DYNC1H1: variants seen among roughly 807,000 people sequenced by gnomAD.
DYNC1H1 encodes cytoplasmic dynein 1 heavy chain 1.
Under a neutral mutation model 527.1 loss-of-function variants are expected in DYNC1H1, and 51 were observed. The observed-to-expected ratio is 0.10, with a 90% CI of 0.08 to 0.12. DYNC1H1 has a LOEUF of 0.12. Ranked by LOEUF, DYNC1H1 falls within the 10% of genes least tolerant of loss-of-function variation. The pLI is 1.00. For synonymous variants in DYNC1H1, 2,189 were observed against 2,278.8 expected (o/e 0.96, Z 1.12); for missense variants, 2,771 against 5,971.8 (o/e 0.46, Z 17.66).
At chr14:102,046,504 G>T (rs945793606) in intron 72 of DYNC1H1, among the ~76,000 whole-genome samples, 1 of 134,688 alleles carries the variant, frequency 7.4e-6, no homozygotes, top group Non-Finnish European at 1.7e-5. Context: ...CGAGCTGGGC[G>T]GGTCTGGAGG....
In DYNC1H1 at chr14:102,044,835, GCT is replaced by G; in HGVS notation, c.13006+140_13006+141del. 1 of 1,024,356 alleles carries G rather than the reference GCT, an allele frequency of 9.8e-7. No individual in the cohort carries two copies. The highest frequency in any genetic ancestry group is 1.5e-6 in the Non-Finnish European group (1 of 687,544). The allele number at this position is 1,024,356 out of a possible 1,614,324, so 63.5% of individuals were successfully genotyped here. A position where few individuals can be genotyped will look rare whatever the true frequency, so the allele number is the denominator to read the frequency against. On this transcript the variant is annotated intron_variant, in intron 72 of 77. Transcript: ENST00000360184. The surrounding 1 kb of genome is among the most constrained non-coding windows in gnomAD (Gnocchi z 7.1). ...GCCCTCCCTGGTTATGCTGGGTGTG[GCT>G]CTGTCAGCCTCGGCCTTCCTGCCAG...
At chr14:102,008,110 CA>C (rs2048218065) in intron 28 of DYNC1H1, 67 bp from the exon 29 acceptor site, 1 of 1,604,440 alleles carries the variant, frequency 6.2e-7, no homozygotes, top group South Asian at 1.1e-5. Context: ...TGATTTGTGG[CA>C]AGGGAGAGGG....
In DYNC1H1 at chr14:102,041,398, G is replaced by A. The variant is rs763222949; in HGVS notation, c.11942-176G>A. ...CAGGTAGTAAGGTGTTCTCACAGGCGTGTCCAGAGGGCTCACGGAAGGCAC... is the reference window on the plus strand; with the variant it reads ...CAGGTAGTAAGGTGTTCTCACAGGCATGTCCAGAGGGCTCACGGAAGGCAC... On this transcript the variant is annotated intron_variant, in intron 64 of 77. Coordinates refer to ENST00000360184, the MANE Select transcript of DYNC1H1 (RefSeq NM_001376.5). The surrounding 1 kb of genome is among the most constrained non-coding windows in gnomAD (Gnocchi z 4.5). 36 of 948,262 alleles carry A rather than the reference G, an allele frequency of 3.8e-5. No individual in the cohort carries two copies. The highest frequency in any genetic ancestry group is 1.8e-4 in the African/African-American group (11 of 62,404). 58.7% of individuals were successfully genotyped at this position (948,262 alleles called of 1,614,324 possible). A position where few individuals can be genotyped will look rare whatever the true frequency, so the allele number is the denominator to read the frequency against.
At position 102,036,726 on chromosome 14, in the gene DYNC1H1, T is replaced by C. The variant is rs995968079; in HGVS notation, c.10908+84T>C. On this transcript the variant is annotated intron_variant, in intron 57 of 77. Coordinates refer to ENST00000360184, the MANE Select transcript of DYNC1H1 (RefSeq NM_001376.5). This position sits in a 1 kb window ranked among gnomAD's most constrained non-coding sequence, Gnocchi z 5.6. ...GGGCTGCCTTTAGTTTTCAACTTTGTAAGACTTCATTTTGTATCAGAAGGA... is the reference window on the plus strand; with the variant it reads ...GGGCTGCCTTTAGTTTTCAACTTTGCAAGACTTCATTTTGTATCAGAAGGA... 2.0e-5 allele frequency: 30 copies of C among 1,528,164 alleles called. No homozygotes were observed. In the East Asian group the frequency reaches 6.3e-4, roughly 32 times the overall value. The allele number at this position is 1,528,164 out of a possible 1,614,324, so 94.7% of individuals were successfully genotyped here.
chr14:102,024,779 C>T (rs1250459647), intron 43 of DYNC1H1, among the ~76,000 whole-genome samples: 3 of 149,318 alleles, frequency 2.0e-5, no homozygotes, highest in Admixed American at 6.8e-5. Context: ...ACTGCAAGCT[C>T]CGCCTCCTGG....
rs761599934 is a variant in DYNC1H1 at position 102,039,288 on chromosome 14, CCCGCACAGTAGCTCCTTGG to C, written c.11460+43_11460+61del. On this transcript the variant is annotated intron_variant, in intron 60 of 77. Transcript: ENST00000360184. The surrounding 1 kb of genome is among the most constrained non-coding windows in gnomAD (Gnocchi z 7.0). ...CTTGGCCATGCAGAGACTGGCGGGC[CCCGCACAGTAGCTCCTTGG>C]CCGCACAGAGGCTGGCGGGCCCTGC... 58 of 1,611,592 alleles carry C rather than the reference CCCGCACAGTAGCTCCTTGG, an allele frequency of 3.6e-5. No homozygotes were observed. The highest frequency in any genetic ancestry group is 4.7e-5 in the Non-Finnish European group (56 of 1,180,016).
In DYNC1H1 at chr14:102,051,123, G is replaced by A; in HGVS notation, c.*560G>A. ...TACAGGAAATTAAATCAGGTGTGGT[G>A]GTGCATGCCTGTAGTCCCAGCTACT... On this transcript the variant is annotated 3_prime_UTR_variant, in exon 78 of 78. Transcript: ENST00000360184. The A allele has an allele frequency of 5.0e-6, 1 of 199,570 alleles. No homozygotes were observed. The highest frequency in any genetic ancestry group is 1.0e-5 in the Non-Finnish European group (1 of 97,042). The allele number at this position is 199,570 out of a possible 1,614,324, so 12.4% of individuals were successfully genotyped here.
At position 102,003,423 on chromosome 14, in the gene DYNC1H1, G is replaced by A. The variant is rs188346774; in HGVS notation, c.4883+458G>A. 4.3e-3 allele frequency among the ~76,000 whole-genome samples: 647 copies of A among 151,912 alleles called. 11 individuals carry two copies. The highest frequency in any genetic ancestry group is 3.1e-3 in the Non-Finnish European group (208 of 67,950). ...ATTACAGGTGCCCACCACCACACCC[G>A]GCTAATTTTTATATTTTTAGTAGAG... On this transcript the variant is annotated intron_variant, in intron 23 of 77. Coordinates refer to ENST00000360184, the MANE Select transcript of DYNC1H1 (RefSeq NM_001376.5).
chr14:102,040,534 A>G, intron 63 of DYNC1H1, 64 bp from the exon 64 acceptor site: 1 of 1,612,410 alleles, frequency 6.2e-7, no homozygotes, highest in Non-Finnish European at 8.5e-7. Context: ...ACTCTCGCTC[A>G]GTCGTGGGTT....
Position 102,018,424 on chromosome 14 carries a change from G to C in DYNC1H1, c.8178-27G>C, listed in dbSNP as rs1249454054. The C allele has an allele frequency of 6.2e-7, 1 of 1,610,536 alleles. No individual in the cohort carries two copies. Among genetic ancestry groups the C allele is most frequent in the Admixed American group, 1.7e-5 (1 of 59,928 alleles). ...TCCTGGGAGGCGCTGTCAGGGAGGG[G>C]CGCTGAGCGGGGCTATCTGTGCACA... On this transcript the variant is annotated intron_variant, in intron 40 of 77. Coordinates refer to ENST00000360184, the MANE Select transcript of DYNC1H1 (RefSeq NM_001376.5). This position sits in a 1 kb window ranked among gnomAD's most constrained non-coding sequence, Gnocchi z 5.2.
rs1207406563 is a variant in DYNC1H1 at position 102,005,953 on chromosome 14, C to G, written c.5499C>G (p.Ala1833=). 1 of 1,614,084 alleles carries G rather than the reference C, an allele frequency of 6.2e-7. No homozygotes were observed. The highest frequency in any genetic ancestry group is 8.5e-7 in the Non-Finnish European group (1 of 1,180,048). Residue 1833 remains alanine (A), a synonymous_variant, in exon 27 of 78, where the codon GCC becomes GCG. Transcript: ENST00000360184. The surrounding 1 kb of genome is among the most constrained non-coding windows in gnomAD (Gnocchi z 4.0). ...TGATCAAAAGCAAGATTGACAACGC[C>G]AAATCTTTTGAATGGCTCAGCCAGA... ...RSLIKSKIDN[A]KSFEWLSQMR...
In DYNC1H1 at chr14:101,983,505, A is replaced by G; in HGVS notation, c.1357A>G (p.Asn453Asp). 6.2e-7 allele frequency: 1 copy of G among 1,614,208 alleles called. No individual in the cohort carries two copies. Among genetic ancestry groups the G allele is most frequent in the Non-Finnish European group, 8.5e-7 (1 of 1,180,042 alleles). ...AAATCTGAAGATGGTGTGGCGTATC[A>G]ACCCTGCCCACAGGAAGCTGCAGGC... ...EENLKMVWRI[N>D]PAHRKLQARL... Residue 453 changes from asparagine (N) to aspartate (D), a missense_variant, in exon 7 of 78, where the codon AAC (asparagine) becomes GAC (aspartate). Coordinates refer to ENST00000360184, the MANE Select transcript of DYNC1H1 (RefSeq NM_001376.5). The surrounding 1 kb of genome is among the most constrained non-coding windows in gnomAD (Gnocchi z 5.3).
chr14:102,033,099 A>T lies in DYNC1H1; in HGVS notation c.10114A>T (p.Met3372Leu), dbSNP rs760226505. 1 of 1,614,238 alleles carries T rather than the reference A, an allele frequency of 6.2e-7. No homozygotes were observed. Among genetic ancestry groups the T allele is most frequent in the South Asian group, 1.1e-5 (1 of 91,082 alleles). ...AAGGGAGAAGATGAAGAAAAATTAC[A>T]TGTCCAATCCAAGTTACAATTATGA... Reference protein sequence around the residue: ...AIREKMKKNYMSNPSYNYEIV... With the variant: ...AIREKMKKNYLSNPSYNYEIV... The change falls in exon 53 of 78, where the codon ATG becomes TTG. Residue 3372 changes from methionine (M) to leucine (L), a missense_variant. By Grantham distance (15) the Met-to-Leu change is conservative. This residue lies in a region of DYNC1H1 where 283 missense variants were observed against 737.6 expected (regional missense o/e 0.38). Transcript: ENST00000360184. This position sits in a 1 kb window ranked among gnomAD's most constrained non-coding sequence, Gnocchi z 5.6.
rs1167584702 is a variant in DYNC1H1 at position 102,017,642 on chromosome 14, C to G, written c.8177+138C>G. ...TGTGGATTCCTCTTGGGTTACTTCT[C>G]TGTGCTGTAATGCCAGGAAAACATG... is the stretch of plus-strand genomic sequence containing the variant. On this transcript the variant is annotated intron_variant, in intron 40 of 77. Transcript: ENST00000360184. The surrounding 1 kb of genome is among the most constrained non-coding windows in gnomAD (Gnocchi z 4.6). The G allele has an allele frequency of 2.0e-6, 3 of 1,478,454 alleles. No individual in the cohort carries two copies. The highest frequency in any genetic ancestry group is 1.9e-6 in the Non-Finnish European group (2 of 1,070,362). The allele number at this position is 1,478,454 out of a possible 1,614,324, so 91.6% of individuals were successfully genotyped here.
rs181293213 is a variant in DYNC1H1 at position 102,043,550 on chromosome 14, G to A, written c.12514-325G>A. ...CAAGTGAAGACCGAAACTCTTGGGC[G>A]AGAGGAGGGGGATTGTGGCAGGGGT... On this transcript the variant is annotated intron_variant, in intron 69 of 77. Transcript: ENST00000360184. 163 of 384,302 alleles carry A rather than the reference G, an allele frequency of 4.2e-4. No homozygotes were observed. In the East Asian group the frequency reaches 8.1e-3, roughly 19 times the overall value. 23.8% of individuals were successfully genotyped at this position (384,302 alleles called of 1,614,324 possible).
rs1312342924 is a variant in DYNC1H1, at chr14:102,001,813, C to T, written c.4542+132C>T. ...TTGAGACAGGGTCTCACTCTGTCTCCCACGCTGGAGTGCAGTGGCACCATC... is the reference window on the plus strand; with the variant it reads ...TTGAGACAGGGTCTCACTCTGTCTCTCACGCTGGAGTGCAGTGGCACCATC... On this transcript the variant is annotated intron_variant, in intron 21 of 77. Coordinates refer to ENST00000360184, the MANE Select transcript of DYNC1H1 (RefSeq NM_001376.5). The surrounding 1 kb of genome is among the most constrained non-coding windows in gnomAD (Gnocchi z 5.0). 7.8e-7 allele frequency: 1 copy of T among 1,286,008 alleles called. No homozygotes were observed. Among genetic ancestry groups the T allele is most frequent in the Non-Finnish European group, 1.1e-6 (1 of 918,754 alleles). The allele number at this position is 1,286,008 out of a possible 1,614,324, so 79.7% of individuals were successfully genotyped here.
At chr14:102,030,553 C>A in intron 51 of DYNC1H1, 1 of 435,058 alleles carries the variant, frequency 2.3e-6, no homozygotes, top group Non-Finnish European at 4.2e-6. Context: ...TGTCAATATA[C>A]GTTTTTAGAG....
chr14:101,985,463 T>A lies in DYNC1H1; in HGVS notation c.1462-224T>A, dbSNP rs1485910288. ...TCTCAACTTCCCAAGTAGCTGGGAA[T>A]ACAGGCATGCACCACCATGCCTGGC... On this transcript the variant is annotated intron_variant, in intron 7 of 77. Coordinates refer to ENST00000360184, the MANE Select transcript of DYNC1H1 (RefSeq NM_001376.5). The surrounding 1 kb of genome is among the most constrained non-coding windows in gnomAD (Gnocchi z 5.9). 2.0e-5 allele frequency among the ~76,000 whole-genome samples: 3 copies of A among 151,976 alleles called. No individual in the cohort carries two copies. Among genetic ancestry groups the A allele is most frequent in the African/African-American group, 7.3e-5 (3 of 41,364 alleles).
rs781277552 is a variant in DYNC1H1 at position 102,004,956 on chromosome 14, C to G, written c.5238+6C>G. 5 of 1,614,180 alleles carry G rather than the reference C, an allele frequency of 3.1e-6. No individual in the cohort carries two copies. The South Asian group carries it at 4.4e-5, about 14-fold the overall frequency. ...CTTGGATTGATAAATACCAGGTAAT[C>G]TATAGTAGAAGTGAGTGGGCTCGTG... On this transcript the variant is annotated splice_donor_region_variant and intron_variant, in intron 25 of 77. Coordinates refer to ENST00000360184, the MANE Select transcript of DYNC1H1 (RefSeq NM_001376.5).
Sources: allele counts gnomAD v4.1 joint callset (sites outside exome capture counted in the v4.1 genomes callset), GRCh38; gene constraint gnomAD v4.1.1; regional missense constraint gnomAD v4.1.1; non-coding constraint Gnocchi (gnomAD v3.1); transcripts MANE v1.5; gene names NCBI Gene and HGNC (gene_info 2026-07-23, HGNC 2026-07-21).